OTC: variants seen among roughly 807,000 people sequenced by gnomAD.
OTC encodes the protein ornithine transcarbamylase, mitochondrial.
A neutral mutation model predicts 30.3 loss-of-function variants in OTC; 3 were observed. The ratio of observed to expected loss-of-function variants is 0.10; its 90% CI spans 0.05 to 0.26. The LOEUF is 0.26. Among genes scored for constraint, OTC ranks in the 10% least tolerant of loss-of-function variants. OTC has a pLI of 1.00. For missense variants in OTC, 194 were observed against 260.3 expected (o/e 0.75, Z 1.75); for synonymous variants, 111 against 99.7 (o/e 1.11, Z -0.67).
At chrX:38,385,321 G>A (rs1251722460) in intron 4 of OTC, among the ~76,000 whole-genome samples, 1 of 112,442 alleles carries the variant, frequency 8.9e-6, no homozygotes, top group Non-Finnish European at 1.9e-5. Flanking sequence ...TTTCTTGTTA[G>A]AGTGGAAATT....
upstream of OTC, among the ~76,000 whole-genome samples, chrX:38,350,357 G>A (rs2068208131): frequency 8.9e-6 from 1 of 111,929 alleles, no homozygotes; most frequent in Admixed American, 9.5e-5. Flanking sequence ...ATTGTTGATG[G>A]TGGCAGAGAA....
the OTC span, among the ~76,000 whole-genome samples, chrX:38,344,549 A>C: frequency 9.0e-6 from 1 of 110,928 alleles, no homozygotes; most frequent in Non-Finnish European, 1.9e-5. Flanking sequence ...GGAAAAAAAA[A>C]CTCAATCTCA....
chrX:38,358,622 T>G (rs1490324832), intron 1 of OTC, among the ~76,000 whole-genome samples: 1 of 97,072 alleles, frequency 1.0e-5, no homozygotes, highest in African/African-American at 3.9e-5. Context: ...GTGGTGGAAT[T>G]TTTTTTTTTT....
At chrX:38,344,278 CGT>C in the OTC span, among the ~76,000 whole-genome samples, 9 of 109,635 alleles carry the variant, frequency 8.2e-5, no homozygotes, top group Admixed American at 8.8e-4. Flanking sequence ...CACACACACA[CGT>C]GGAGAGAAAA....
At chrX:38,359,843 T>C (rs1326420391) in intron 1 of OTC, among the ~76,000 whole-genome samples, 3 of 111,521 alleles carry the variant, frequency 2.7e-5, no homozygotes, top group African/African-American at 9.8e-5. Context: ...TTGGTCAGGA[T>C]GTTGAAAATC....
downstream of OTC, among the ~76,000 whole-genome samples, chrX:38,421,609 G>A (rs777551170): frequency 1.1e-4 from 12 of 111,511 alleles, no homozygotes; most frequent in African/African-American, 1.6e-4. Flanking sequence ...GGCAAATAAC[G>A]AAATTCTTAA....
intron 4 of OTC, among the ~76,000 whole-genome samples, chrX:38,397,789 A>G (rs1295946603): frequency 9.0e-6 from 1 of 111,344 alleles, no homozygotes; most frequent in African/African-American, 3.3e-5. Context: ...TTCTAGGACA[A>G]TGGTTCTCAG....
At chrX:38,373,621 G>A (rs769142339) in intron 3 of OTC, 2 of 112,050 alleles carry the variant, frequency 1.8e-5, no homozygotes, top group South Asian at 7.4e-4. Context: ...GTGTTTTAAC[G>A]GCTGTTTCAA....
intron 1 of OTC, among the ~76,000 whole-genome samples, chrX:38,367,053 T>A (rs2068299613): frequency 9.1e-6 from 1 of 110,270 alleles, no homozygotes; most frequent in East Asian, 2.8e-4. Context: ...TGGCATGTGC[T>A]TGTAGTTTCA....
the OTC span, among the ~76,000 whole-genome samples, chrX:38,330,957 A>C: frequency 8.9e-6 from 1 of 111,760 alleles, no homozygotes; most frequent in Non-Finnish European, 1.9e-5. Context: ...AGAACATAGC[A>C]CTATGTCTGG....
At chrX:38,389,820 A>T (rs1333851835) in intron 4 of OTC, among the ~76,000 whole-genome samples, 1 of 104,949 alleles carries the variant, frequency 9.5e-6, no homozygotes, top group Non-Finnish European at 2.0e-5. Context: ...CAGTTTCCTC[A>T]GTTGCAAAAT....
chrX:38,415,286 C>T (rs2068565101), intron 9 of OTC, among the ~76,000 whole-genome samples: 1 of 107,873 alleles, frequency 9.3e-6, no homozygotes, highest in Admixed American at 1.0e-4. Context: ...ACCATATTGG[C>T]CAGGCTGGTC....
In OTC at chrX:38,415,840, G is replaced by C. The variant is rs983959936; in HGVS notation, c.1005+3841G>C. Among the ~76,000 whole-genome samples the C allele has an allele frequency of 5.7e-4, 64 of 112,196 alleles. 1 individual carries two copies. The highest frequency in any genetic ancestry group is 2.0e-3 in the African/African-American group (62 of 30,948). On this transcript the variant is annotated intron_variant, in intron 9 of 9. Coordinates refer to ENST00000039007, the MANE Select transcript of OTC (RefSeq NM_000531.6). ...ACTGCACTCCAGCCTGGGCGACAGAGCAAGACTCCGTCTCAAAACAAACAA... is the reference window on the plus strand; with the variant it reads ...ACTGCACTCCAGCCTGGGCGACAGACCAAGACTCCGTCTCAAAACAAACAA...
At chrX:38,401,182 T>C (rs1251348356) in intron 4 of OTC, 93 bp from the exon 5 acceptor site, 3 of 670,494 alleles carry the variant, frequency 4.5e-6, no homozygotes, top group African/African-American at 4.3e-5. Flanking sequence ...ATTCTATTTA[T>C]TAGTATTTCT....
intron 3 of OTC, among the ~76,000 whole-genome samples, chrX:38,372,983 G>C (rs1243763543): frequency 8.9e-6 from 1 of 112,098 alleles, no homozygotes; most frequent in Non-Finnish European, 1.9e-5. Flanking sequence ...CTTATCTCAG[G>C]AGACAGAATC....
chrX:38,397,229 G>A (rs1190930255), intron 4 of OTC, among the ~76,000 whole-genome samples: 1 of 111,162 alleles, frequency 9.0e-6, no homozygotes, highest in Non-Finnish European at 1.9e-5. Flanking sequence ...TGTACATCAT[G>A]TCCCTTTAGA....
chrX:38,384,642 C>A (rs1198452169), intron 4 of OTC, among the ~76,000 whole-genome samples: 1 of 111,780 alleles, frequency 8.9e-6, no homozygotes, highest in South Asian at 3.8e-4. Context: ...AATGACATTG[C>A]TGGCCCTTTC....
chrX:38,330,239 G>A, the OTC span, among the ~76,000 whole-genome samples: 5 of 111,979 alleles, frequency 4.5e-5, no homozygotes, highest in African/African-American at 1.6e-4. Context: ...TCTGAAAGCC[G>A]GGAAAGGCAA....
intron 5 of OTC, 69 bp downstream of exon 5, chrX:38,401,497 G>C: frequency 1.2e-6 from 1 of 867,278 alleles, no homozygotes; most frequent in Non-Finnish European, 1.7e-6. Context: ...AAGTGAAACA[G>C]TTTACTTAAA....
Sources: gnomAD v4.1 joint callset for allele counts (sites outside exome capture counted in the v4.1 genomes callset) on GRCh38, gnomAD v4.1.1 for gene constraint, MANE v1.5 for transcripts, NCBI Gene and HGNC (gene_info 2026-07-23, HGNC 2026-07-21) for gene names.